The following NME7 variants were observed in gnomAD, a reference collection of about 807,000 sequenced individuals.
NME7 encodes nucleoside diphosphate kinase 7.
A neutral mutation model predicts 49.1 loss-of-function variants in NME7; 41 were observed. The ratio of observed to expected loss-of-function variants is 0.83; its 90% confidence interval spans 0.65 to 1.08. The LOEUF is 1.08. Ranked by LOEUF, NME7 falls within the 50% of genes least tolerant of loss-of-function variation. NME7 has a pLI of 0.00. For missense variants in NME7, 423 were observed against 463.4 expected (o/e 0.91, Z 0.80); for synonymous variants, 139 against 150.6 (o/e 0.92, Z 0.56).
chr1:169,347,779 A>C (rs1395224770), intron 1 of NME7, among the ~76,000 whole-genome samples: 1 of 152,152 alleles, frequency 6.6e-6, no homozygotes, highest in Non-Finnish European at 1.5e-5. Flanking sequence ...TGTTAGAAAA[A>C]TACGTAATAA....
intron 10 of NME7, among the ~76,000 whole-genome samples, chr1:169,190,180 C>T (rs1290848713): frequency 6.6e-6 from 1 of 151,938 alleles, no homozygotes; most frequent in Non-Finnish European, 1.5e-5. Flanking sequence ...GTCTCTGCAA[C>T]ATCCTCTTAT....
chr1:169,224,921 A>G (rs1474653181), intron 10 of NME7, among the ~76,000 whole-genome samples: 1 of 152,184 alleles, frequency 6.6e-6, no homozygotes, highest in Non-Finnish European at 1.5e-5. Flanking sequence ...ATAAGGCCAC[A>G]AAAGAGGAAG....
intron 5 of NME7, among the ~76,000 whole-genome samples, chr1:169,300,850 A>C (rs894698431): frequency 1.3e-5 from 2 of 152,196 alleles, no homozygotes; most frequent in Non-Finnish European, 2.9e-5. Context: ...TTCTCTATTC[A>C]ATAAATGGTG....
intron 10 of NME7, among the ~76,000 whole-genome samples, chr1:169,230,189 C>T (rs6703464): frequency 2.0e-3 from 308 of 152,110 alleles, no homozygotes; most frequent in African/African-American, 6.8e-3. Context: ...CTTGTCACCC[C>T]CCTACACCTA....
chr1:169,279,824 A>G (rs1649928734), intron 7 of NME7, among the ~76,000 whole-genome samples: 1 of 152,216 alleles, frequency 6.6e-6, no homozygotes, highest in Non-Finnish European at 1.5e-5. Context: ...CTATTCGGCC[A>G]TCTTGGCTCC....
At chr1:169,250,957 AG>A (rs1338617536) in intron 7 of NME7, among the ~76,000 whole-genome samples, 1 of 152,070 alleles carries the variant, frequency 6.6e-6, no homozygotes, top group African/African-American at 2.4e-5. Flanking sequence ...TGCAGTTATT[AG>A]GTAGAATGTT....
intron 1 of NME7, among the ~76,000 whole-genome samples, chr1:169,342,910 A>AT (rs1652811059): frequency 1.2e-5 from 1 of 80,988 alleles, no homozygotes; most frequent in African/African-American, 4.1e-5. Context: ...ACATATATAT[A>AT]GTGTATATAT....
chr1:169,298,865 T>A (rs531444238), intron 5 of NME7, 102 bp from the exon 6 acceptor site: 16 of 949,168 alleles, frequency 1.7e-5, no homozygotes, highest in Non-Finnish European at 2.5e-5. Flanking sequence ...AACATAGACA[T>A]GAATATTATA....
At chr1:169,238,601 T>C (rs1414910616) in intron 7 of NME7, among the ~76,000 whole-genome samples, 1 of 151,880 alleles carries the variant, frequency 6.6e-6, no homozygotes, top group African/African-American at 2.4e-5. Context: ...GTATTTACTA[T>C]CTTACCATAG....
chr1:169,233,280 A>C (rs766366480), intron 9 of NME7, among the ~76,000 whole-genome samples: 25 of 151,984 alleles, frequency 1.6e-4, no homozygotes, highest in Middle Eastern at 3.2e-3. Context: ...GATCCAAGAA[A>C]AATGCCTCTC....
At chr1:169,160,624 T>A (rs957547817) in intron 11 of NME7, among the ~76,000 whole-genome samples, 2 of 152,206 alleles carry the variant, frequency 1.3e-5, no homozygotes, top group African/African-American at 2.4e-5. Flanking sequence ...AAAAATGATA[T>A]ACATTAAATG....
At chr1:169,347,598 C>G (rs960955612) in intron 1 of NME7, among the ~76,000 whole-genome samples, 1 of 152,160 alleles carries the variant, frequency 6.6e-6, no homozygotes, top group Non-Finnish European at 1.5e-5. Context: ...ATCACCTTCT[C>G]TCTCCTGTGC....
chr1:169,340,409 C>T (rs148577023), intron 1 of NME7, among the ~76,000 whole-genome samples: 4 of 152,168 alleles, frequency 2.6e-5, no homozygotes, highest in Non-Finnish European at 5.9e-5. Flanking sequence ...GTCAGTTAAA[C>T]CTCTTACCTT....
chr1:169,226,720 G>A (rs1647356519), intron 10 of NME7, among the ~76,000 whole-genome samples: 1 of 152,102 alleles, frequency 6.6e-6, no homozygotes. Flanking sequence ...TATTATAAAA[G>A]TAATATAAGT....
intron 11 of NME7, among the ~76,000 whole-genome samples, chr1:169,157,479 C>T (rs574803820): frequency 6.6e-6 from 1 of 152,274 alleles, no homozygotes; most frequent in African/African-American, 2.4e-5. Context: ...CCCTTGTTAC[C>T]CTCAGCATCC....
intron 7 of NME7, among the ~76,000 whole-genome samples, chr1:169,243,213 A>G (rs1648165612): frequency 1.3e-5 from 2 of 152,192 alleles, no homozygotes; most frequent in African/African-American, 4.8e-5. Context: ...AACAGAACAA[A>G]AAAATCCCAA....
At chr1:169,199,447 TTTTTTATTATTATTATTA>T (rs1444499309) in intron 10 of NME7, among the ~76,000 whole-genome samples, 87 of 86,170 alleles carry the variant, frequency 1.0e-3, no homozygotes, top group African/African-American at 1.8e-3. Context: ...ACCCAGGGTC[TTTTTTATTATTATTATTA>T]TTATTATTAT....
intron 1 of NME7, among the ~76,000 whole-genome samples, chr1:169,363,580 C>T (rs1029091847): frequency 1.3e-5 from 2 of 152,298 alleles, no homozygotes; most frequent in African/African-American, 4.8e-5. Flanking sequence ...AACCACATTT[C>T]ATGGTATTTT....
intron 11 of NME7, among the ~76,000 whole-genome samples, chr1:169,154,480 A>G (rs1412628641): frequency 6.6e-6 from 1 of 152,200 alleles, no homozygotes; most frequent in African/African-American, 2.4e-5. Flanking sequence ...AGAACTCAAT[A>G]TTATAAAAAA....
Sources: allele counts gnomAD v4.1 joint callset (sites outside exome capture counted in the v4.1 genomes callset), GRCh38; gene constraint gnomAD v4.1.1; transcripts MANE v1.5; gene names NCBI Gene and HGNC (gene_info 2026-07-23, HGNC 2026-07-21).